The following PCCA variants were observed in gnomAD, a reference collection of about 807,000 sequenced individuals.
PCCA encodes propionyl-CoA carboxylase subunit alpha.
PCCA carries 74 observed loss-of-function variants against 101.3 expected under a neutral mutation model. The ratio of observed to expected loss-of-function variants is 0.73; its 90% CI spans 0.61 to 0.89. PCCA has a LOEUF of 0.89. Among genes scored for constraint, PCCA ranks in the 40% least tolerant of loss-of-function variants. The probability of loss-of-function intolerance (pLI) is 0.00; values close to 1 mark genes in which losing one functional copy is unlikely to be tolerated. For missense variants in PCCA, 891 were observed against 907.0 expected (o/e 0.98, Z 0.23); for synonymous variants, 294 against 313.6 (o/e 0.94, Z 0.66).
intron 12 of PCCA, among the ~76,000 whole-genome samples, chr13:100,298,680 T>G (rs61969227): frequency 0.11 from 246 of 2,192 alleles, 36 homozygotes; most frequent in Non-Finnish European, 0.14. Context: ...CCCTCCTTCC[T>G]TCCTTCCTTC....
intron 21 of PCCA, among the ~76,000 whole-genome samples, chr13:100,509,791 G>A (rs191078991): frequency 6.0e-4 from 90 of 151,046 alleles, no homozygotes; most frequent in African/African-American, 2.1e-3. Flanking sequence ...GACTAAGCCA[G>A]CATAGTGGTG....
At chr13:100,228,054 C>T (rs1436331205) in intron 7 of PCCA, among the ~76,000 whole-genome samples, 1 of 151,896 alleles carries the variant, frequency 6.6e-6, no homozygotes, top group Non-Finnish European at 1.5e-5. Context: ...CTTGCTCTTT[C>T]ACCCAGGCTG....
chr13:100,363,657 A>G (rs1320157229), intron 18 of PCCA, among the ~76,000 whole-genome samples: 1 of 152,152 alleles, frequency 6.6e-6, no homozygotes, highest in African/African-American at 2.4e-5. Flanking sequence ...ATGATGAAGC[A>G]TTTCTTAATG....
At chr13:100,287,036 G>C (rs2064731454) in intron 12 of PCCA, among the ~76,000 whole-genome samples, 1 of 151,830 alleles carries the variant, frequency 6.6e-6, no homozygotes, top group Non-Finnish European at 1.5e-5. Flanking sequence ...CACTTCATTT[G>C]GAATTCATTT....
chr13:100,273,230 G>A lies in PCCA; in HGVS notation c.949G>A (p.Gly317Arg), dbSNP rs1210397792. Residue 317 changes from glycine (G) to arginine (R), a missense_variant, in exon 12 of 24, where the codon GGA becomes AGA. Physicochemically the swap from Gly to Arg is moderately radical, Grantham distance 125. Coordinates refer to ENST00000376285, the MANE Select transcript of PCCA (RefSeq NM_000282.4). ...GGATGCGGAGACTCGAAGAGCGATG[G>A]GAGAACAAGCTGTAGCTCTTGCCAG... Reference protein sequence around the residue: ...FLDAETRRAMGEQAVALARAV... With the variant: ...FLDAETRRAMREQAVALARAV... 1 of 1,612,818 alleles carries A rather than the reference G, an allele frequency of 6.2e-7. No homozygotes were observed. Among genetic ancestry groups the A allele is most frequent in the Non-Finnish European group, 8.5e-7 (1 of 1,178,984 alleles).
rs1265099592 is a variant in PCCA at position 100,523,562 on chromosome 13, G to A, written c.2041-4113G>A. On this transcript the variant is annotated intron_variant, in intron 22 of 23. Coordinates refer to ENST00000376285, the MANE Select transcript of PCCA (RefSeq NM_000282.4). ...TGACACTCGGGCCCCCACGACATGC[G>A]AAAATCTGCTGAGTAAATGGGCCGA... 2.6e-5 allele frequency among the ~76,000 whole-genome samples: 4 copies of A among 152,292 alleles called. No homozygotes were observed. In the South Asian group the frequency reaches 6.2e-4, roughly 24 times the overall value.
intron 22 of PCCA, among the ~76,000 whole-genome samples, chr13:100,522,088 T>C (rs552433856): frequency 6.6e-6 from 1 of 152,374 alleles, no homozygotes; most frequent in East Asian, 1.9e-4. Context: ...GAAACAGTTT[T>C]CTTTTAATTG....
At chr13:100,442,208 G>A (rs1429071429) in intron 20 of PCCA, among the ~76,000 whole-genome samples, 1 of 151,922 alleles carries the variant, frequency 6.6e-6, no homozygotes, top group Admixed American at 6.6e-5. Context: ...TGGCCAGGCT[G>A]GCCTCAAACT....
chr13:100,219,331 T>A (rs2059687660), intron 7 of PCCA, among the ~76,000 whole-genome samples: 1 of 152,186 alleles, frequency 6.6e-6, no homozygotes, highest in African/African-American at 2.4e-5. Flanking sequence ...AGAATACTGA[T>A]GTGTCACTGT....
intron 19 of PCCA, among the ~76,000 whole-genome samples, chr13:100,372,435 T>C (rs2075632662): frequency 6.6e-6 from 1 of 152,142 alleles, no homozygotes; most frequent in Non-Finnish European, 1.5e-5. Flanking sequence ...TTGGCAATGG[T>C]TTCTTAGACA....
intron 21 of PCCA, among the ~76,000 whole-genome samples, chr13:100,450,845 A>G (rs186503556): frequency 6.6e-6 from 1 of 152,360 alleles, no homozygotes; most frequent in African/African-American, 2.4e-5. Flanking sequence ...AAGGTAATAC[A>G]TGCTTATTGT....
chr13:100,112,386 C>G (rs1363149516), intron 4 of PCCA, among the ~76,000 whole-genome samples: 1 of 152,146 alleles, frequency 6.6e-6, no homozygotes, highest in Non-Finnish European at 1.5e-5. Flanking sequence ...TATGAGAGCA[C>G]TTTCCCCCAG....
chr13:100,369,891 G>A (rs2075452199), intron 19 of PCCA, among the ~76,000 whole-genome samples: 1 of 151,946 alleles, frequency 6.6e-6, no homozygotes, highest in South Asian at 2.1e-4. Flanking sequence ...TTACAATGTA[G>A]CATTTTTTTT....
chr13:100,276,847 C>T (rs1451989629), intron 12 of PCCA, among the ~76,000 whole-genome samples: 1 of 152,094 alleles, frequency 6.6e-6, no homozygotes, highest in East Asian at 1.9e-4. Flanking sequence ...TTTTGTAGTA[C>T]ATGTCTGATA....
At chr13:100,341,392 T>G (rs2071287363) in intron 18 of PCCA, among the ~76,000 whole-genome samples, 2 of 152,164 alleles carry the variant, frequency 1.3e-5, no homozygotes, top group Non-Finnish European at 2.9e-5. Context: ...CCTCAGTGCT[T>G]GTTGTTTGGT....
At chr13:100,094,973 A>G (rs2046637194) in intron 1 of PCCA, among the ~76,000 whole-genome samples, 1 of 152,218 alleles carries the variant, frequency 6.6e-6, no homozygotes, top group Non-Finnish European at 1.5e-5. Flanking sequence ...TTAAAACAAC[A>G]AATTCATTCT....
At chr13:100,188,804 T>C (rs1341272672) in intron 6 of PCCA, among the ~76,000 whole-genome samples, 2 of 152,244 alleles carry the variant, frequency 1.3e-5, no homozygotes, top group South Asian at 2.1e-4. Context: ...TGCATTTCCC[T>C]GATCTTTAGT....
chr13:100,439,422 G>A (rs1227563767), intron 20 of PCCA, among the ~76,000 whole-genome samples: 2 of 152,148 alleles, frequency 1.3e-5, no homozygotes, highest in African/African-American at 2.4e-5. Context: ...CAGAAGATTC[G>A]CTGTGTCCTG....
At chr13:100,351,965 G>C (rs765117243) in intron 18 of PCCA, among the ~76,000 whole-genome samples, 2 of 152,090 alleles carry the variant, frequency 1.3e-5, no homozygotes, top group Non-Finnish European at 2.9e-5. Flanking sequence ...TTGGAAGCAT[G>C]GTTCAAATTG....
Sources: allele counts gnomAD v4.1 joint callset (sites outside exome capture counted in the v4.1 genomes callset), GRCh38; gene constraint gnomAD v4.1.1; transcripts MANE v1.5; gene names NCBI Gene and HGNC (gene_info 2026-07-23, HGNC 2026-07-21).